Variants in PFDN6 observed in about 807,000 individuals in gnomAD.
PFDN6 encodes the protein prefoldin subunit 6.
Under a neutral mutation model 19.3 loss-of-function variants are expected in PFDN6, and 5 were observed. That is an observed-to-expected ratio of 0.26 (90% CI 0.14 to 0.55). The LOEUF (loss-of-function observed/expected upper bound fraction) is 0.55, where lower values mean the gene tolerates loss of function less well. Ranked by LOEUF, PFDN6 falls within the 20% of genes least tolerant of loss-of-function variation. The pLI is 0.94. For synonymous variants in PFDN6, 51 were observed against 63.4 expected, an observed-to-expected ratio of 0.80 and a Z score of 0.93; for missense variants, 101 against 149.4, an observed-to-expected ratio of 0.68 and a Z score of 1.69.
chr6:33,290,690 T>C (rs750218316), intron 3 of PFDN6, 26 bp from the exon 4 acceptor site: 2 of 1,610,308 alleles, frequency 1.2e-6, no homozygotes, highest in South Asian at 1.1e-5. Flanking sequence ...TCTCCCTTTC[T>C]GCTTGTCTCC....
chr6:33,290,289 C>T (rs772455449), intron 2 of PFDN6, 37 bp from the exon 3 acceptor site: 6 of 1,613,852 alleles, frequency 3.7e-6, no homozygotes, highest in South Asian at 1.1e-5. Context: ...CTGTACTAGC[C>T]ATGGTTCTGA....
intron 2 of PFDN6, 34 bp from the exon 3 acceptor site, chr6:33,290,292 G>A: frequency 1.9e-6 from 3 of 1,613,816 alleles, no homozygotes; most frequent in Non-Finnish European, 2.5e-6. Flanking sequence ...TACTAGCCAT[G>A]GTTCTGATCA....
upstream of PFDN6, chr6:33,289,494 GCAGAAC>G (rs1767083246): frequency 8.1e-7 from 1 of 1,231,912 alleles, no homozygotes; most frequent in Non-Finnish European, 1.0e-6. Context: ...AGTCTTTTTA[GCAGAAC>G]TCCACTCCCT....
Position 33,289,865 on chromosome 6 carries a change from G to A in PFDN6, c.9G>A (p.Glu3=). The A allele has an allele frequency of 6.2e-7, 1 of 1,604,890 alleles. No homozygotes were observed. The highest frequency in any genetic ancestry group is 8.5e-7 in the Non-Finnish European group (1 of 1,176,094). The change falls in exon 1 of 4, where the codon GAG becomes GAA. Residue 3 remains glutamate (E), a synonymous_variant. Coordinates refer to ENST00000374606, the MANE Select transcript of PFDN6 (RefSeq NM_001185181.3). MA[E]LIQKKLQGEV... ...AGGCTTTCATCCCCGCCATGGCGGAGCTGATCCAGAAGAAGCTACAGGGAG... is the reference window on the plus strand; with the variant it reads ...AGGCTTTCATCCCCGCCATGGCGGAACTGATCCAGAAGAAGCTACAGGGAG...
chr6:33,289,583 T>G (rs1483506428), upstream of PFDN6: 2 of 701,674 alleles, frequency 2.9e-6, no homozygotes, highest in South Asian at 4.7e-5. Flanking sequence ...CCAGCATTCC[T>G]TGTTTACTTC....
intron 3 of PFDN6, 92 bp downstream of exon 3, chr6:33,290,542 A>G: frequency 6.7e-7 from 1 of 1,495,968 alleles, no homozygotes; most frequent in South Asian, 1.3e-5. Flanking sequence ...ACAGCTCTCC[A>G]TAGTGGCCCC....
chr6:33,289,310 TG>T, upstream of PFDN6: 1 of 1,452,998 alleles, frequency 6.9e-7, no homozygotes, highest in Non-Finnish European at 9.0e-7. Flanking sequence ...CCATCTTGAG[TG>T]AGGGCACGCT....
intron 1 of PFDN6, 37 bp from the exon 2 acceptor site, chr6:33,290,137 T>A: frequency 1.9e-6 from 3 of 1,605,266 alleles, no homozygotes; most frequent in Non-Finnish European, 2.6e-6. Context: ...AGGTGGCACA[T>A]TTGATGTTTC....
upstream of PFDN6, chr6:33,289,280 G>C (rs551869462): frequency 9.3e-6 from 14 of 1,502,902 alleles, 1 homozygote; most frequent in Admixed American, 1.6e-4. Context: ...CAGCGTACCA[G>C]GTATGAAGCT....
Position 33,289,740 on chromosome 6 carries a change from T to C in PFDN6, c.-117T>C. The C allele has an allele frequency of 1.2e-6, 1 of 812,846 alleles. No homozygotes were observed. Among genetic ancestry groups the C allele is most frequent in the Non-Finnish European group, 1.9e-6 (1 of 527,420 alleles). 50.4% of individuals were successfully genotyped at this position (812,846 alleles called of 1,614,324 possible). A position where few individuals can be genotyped will look rare whatever the true frequency, so the allele number is the denominator to read the frequency against. On this transcript the variant is annotated 5_prime_UTR_variant, in exon 1 of 4. Coordinates refer to ENST00000374606, the MANE Select transcript of PFDN6 (RefSeq NM_001185181.3). ...GGGAGGTTGCGGTGCCCCTCAGGGC[T>C]ACCTCTCAAGAGTGCTATCATTTCC...
Position 33,290,859 on chromosome 6 carries a change from G to A in PFDN6, c.*14G>A. On this transcript the variant is annotated 3_prime_UTR_variant, in exon 4 of 4. Coordinates refer to ENST00000374606, the MANE Select transcript of PFDN6 (RefSeq NM_001185181.3). ...GGCAAGGCCTGACCCCATGGTGGGG[G>A]GAGGGGAGGGGAGGGGAGGGAATGA... The A allele has an allele frequency of 6.4e-7, 1 of 1,557,564 alleles. No individual in the cohort carries two copies. The highest frequency in any genetic ancestry group is 8.7e-7 in the Non-Finnish European group (1 of 1,150,788).
In PFDN6 at chr6:33,290,412, C is replaced by T. The variant is rs1437916279; in HGVS notation, c.222C>T (p.Ala74=). The part of the protein sequence containing the change: ...LVKQELGEAR[A]TVGKRLDYIT... ...AACAGGAGCTGGGGGAGGCTCGGGCCACAGTAGGGAAGAGGCTGGACTATA... is the reference window on the plus strand; with the variant it reads ...AACAGGAGCTGGGGGAGGCTCGGGCTACAGTAGGGAAGAGGCTGGACTATA... Residue 74 remains alanine, a synonymous_variant, in exon 3 of 4, where the codon GCC becomes GCT. Transcript: ENST00000374606. 2 of 1,598,932 alleles carry T rather than the reference C, an allele frequency of 1.3e-6. No individual in the cohort carries two copies. The highest frequency in any genetic ancestry group is 1.7e-6 in the Non-Finnish European group (2 of 1,172,542).
chr6:33,289,369 G>A, upstream of PFDN6: 1 of 1,345,576 alleles, frequency 7.4e-7, no homozygotes, highest in Non-Finnish European at 9.5e-7. Flanking sequence ...GCGAGCGGCA[G>A]CTTATGCAAG....
chr6:33,289,456 C>T (rs1230687960), upstream of PFDN6: 3 of 1,291,296 alleles, frequency 2.3e-6, no homozygotes, highest in East Asian at 8.8e-5. Context: ...GATTAGTTTC[C>T]CCATCTTGCC....
rs1767135419 is a variant in PFDN6, at chr6:33,289,798, C to T, written c.-59C>T. ...AGATCAGAAAAGGGAGCTCAGGTAC[C>T]TTCCAGAGAGTGAGACCCAGCGCCC... On this transcript the variant is annotated 5_prime_UTR_variant, in exon 1 of 4. Coordinates refer to ENST00000374606, the MANE Select transcript of PFDN6 (RefSeq NM_001185181.3). 1 of 1,386,182 alleles carries T rather than the reference C, an allele frequency of 7.2e-7. No individual in the cohort carries two copies. Among genetic ancestry groups the T allele is most frequent in the Non-Finnish European group, 9.9e-7 (1 of 1,009,102 alleles). The allele number at this position is 1,386,182 out of a possible 1,614,324, so 85.9% of individuals were successfully genotyped here. A position where few individuals can be genotyped will look rare whatever the true frequency, so the allele number is the denominator to read the frequency against.
chr6:33,290,199 G>A lies in PFDN6; in HGVS notation c.90G>A (p.Arg30=), dbSNP rs569027905. ...QKDLSKSMSG[R]QKLEAQLTEN... is the part of the protein sequence containing the mutation. The stretch of plus-strand genomic sequence containing the variant: ...ACTTAAGTAAATCCATGTCGGGGAG[G>A]CAGAAACTTGAAGCACAACTAACAG... The change falls in exon 2 of 4, where the codon AGG becomes AGA. Residue 30 remains arginine (R), a synonymous_variant. Coordinates refer to ENST00000374606, the MANE Select transcript of PFDN6 (RefSeq NM_001185181.3). 6.2e-7 allele frequency: 1 copy of A among 1,614,198 alleles called. No homozygotes were observed. The highest frequency in any genetic ancestry group is 1.1e-5 in the South Asian group (1 of 91,086).
At chr6:33,289,387 TA>T (rs1414645719), upstream of PFDN6, 11 of 1,306,926 alleles carry the variant, frequency 8.4e-6, no homozygotes, top group Non-Finnish European at 1.1e-5. Context: ...AAGAGTGATT[TA>T]AAAAAGAAAG....
chr6:33,289,984 T>A, intron 1 of PFDN6, 64 bp downstream of exon 1: 1 of 1,481,718 alleles, frequency 6.7e-7, no homozygotes, highest in Non-Finnish European at 9.3e-7. Flanking sequence ...ATTACCGAGA[T>A]AAGGTTTGTT....
In PFDN6 at chr6:33,290,796, A is replaced by C; in HGVS notation, c.341A>C (p.Glu114Ala). The C allele has an allele frequency of 6.3e-7, 1 of 1,587,642 alleles. No homozygotes were observed. The highest frequency in any genetic ancestry group is 8.6e-7 in the Non-Finnish European group (1 of 1,168,336). The change falls in exon 4 of 4, where the codon GAG (glutamate) becomes GCG (alanine). Residue 114 changes from glutamate (E) to alanine (A), a missense_variant. By Grantham distance (107) the Glu-to-Ala change is moderately radical. Around this residue, in one of 2 missense-constraint regions of PFDN6, gnomAD observed 47 missense variants for 40.6 expected, o/e 1.16. Coordinates refer to ENST00000374606, the MANE Select transcript of PFDN6 (RefSeq NM_001185181.3). ...QRETLAQLQQ[E>A]FQRAQAAKAG... ...GAGACCCTTGCTCAGCTGCAGCAGG[A>C]GTTCCAGCGGGCCCAGGCAGCAAAG...
Sources: gnomAD v4.1 joint callset for allele counts on GRCh38, gnomAD v4.1.1 for gene constraint, gnomAD v4.1.1 regional missense constraint, MANE v1.5 for transcripts, NCBI Gene and HGNC (gene_info 2026-07-23, HGNC 2026-07-21) for gene names.